SLC22A3: variants seen among roughly 807,000 people sequenced by gnomAD.
SLC22A3 encodes solute carrier family 22 member 3.
Under a neutral mutation model 59.1 loss-of-function variants are expected in SLC22A3, and 51 were observed. The ratio of observed to expected loss-of-function variants is 0.86; its 90% CI spans 0.69 to 1.09. The LOEUF (loss-of-function observed/expected upper bound fraction) is 1.09. SLC22A3 is among the 50% of genes least tolerant of loss of function. SLC22A3 has a pLI of 0.00. For synonymous variants in SLC22A3, 325 were observed against 292.0 expected, an observed-to-expected ratio of 1.11 and a Z score of -1.15; for missense variants, 711 against 726.3, an observed-to-expected ratio of 0.98 and a Z score of 0.24.
chr6:160,422,805 G>T (rs1304919063), intron 5 of SLC22A3, among the ~76,000 whole-genome samples: 2 of 151,930 alleles, frequency 1.3e-5, no homozygotes, highest in Non-Finnish European at 2.9e-5. Context: ...GGAATCTTTT[G>T]TGTAACAGCA....
chr6:160,419,493 CG>C (rs1024676549), intron 5 of SLC22A3, among the ~76,000 whole-genome samples: 1 of 152,100 alleles, frequency 6.6e-6, no homozygotes, highest in African/African-American at 2.4e-5. Context: ...AATCTCTCTT[CG>C]GGGAATTCAT....
At chr6:160,390,063 A>G (rs1015587130) in intron 1 of SLC22A3, among the ~76,000 whole-genome samples, 4 of 152,208 alleles carry the variant, frequency 2.6e-5, no homozygotes, top group Non-Finnish European at 5.9e-5. Flanking sequence ...CTTACTTAGA[A>G]CTAATTAATC....
At chr6:160,433,072 C>T (rs1307480860) in intron 5 of SLC22A3, among the ~76,000 whole-genome samples, 1 of 152,186 alleles carries the variant, frequency 6.6e-6, no homozygotes, top group Non-Finnish European at 1.5e-5. Context: ...ATTTATGTAT[C>T]GTCTATGACT....
At chr6:160,411,636 G>A (rs1787253810) in intron 5 of SLC22A3, among the ~76,000 whole-genome samples, 1 of 152,180 alleles carries the variant, frequency 6.6e-6, no homozygotes, top group Admixed American at 6.5e-5. Context: ...CAGCTACTCA[G>A]GAGGCTGAAG....
chr6:160,402,433 T>A (rs1444660913), intron 2 of SLC22A3, among the ~76,000 whole-genome samples: 1 of 151,838 alleles, frequency 6.6e-6, no homozygotes, highest in Non-Finnish European at 1.5e-5. Flanking sequence ...TAATCCACGA[T>A]TTCACTGGAG....
chr6:160,362,666 G>C (rs1200088326), intron 1 of SLC22A3, among the ~76,000 whole-genome samples: 1 of 152,226 alleles, frequency 6.6e-6, no homozygotes, highest in African/African-American at 2.4e-5. Flanking sequence ...GGTCCCCAGC[G>C]GGTGGGGGCG....
At chr6:160,445,619 A>C (rs1788710711) in intron 9 of SLC22A3, among the ~76,000 whole-genome samples, 1 of 152,322 alleles carries the variant, frequency 6.6e-6, no homozygotes, top group African/African-American at 2.4e-5. Context: ...TCATCAGGAG[A>C]TCACAGTGGC....
chr6:160,351,397 G>A (rs965525930), intron 1 of SLC22A3, among the ~76,000 whole-genome samples: 5 of 152,234 alleles, frequency 3.3e-5, no homozygotes, highest in African/African-American at 7.2e-5. Flanking sequence ...TTACAGGTGT[G>A]AGCCACCGCG....
chr6:160,353,455 G>A (rs963220328), intron 1 of SLC22A3, among the ~76,000 whole-genome samples: 2 of 152,170 alleles, frequency 1.3e-5, no homozygotes, highest in African/African-American at 2.4e-5. Flanking sequence ...AAATTGCAGC[G>A]ATAATGTGAT....
Position 160,443,500 on chromosome 6 carries a change from C to T in SLC22A3, c.1398-130C>T, listed in dbSNP as rs527554107. ...TTTTGCTTAGAGTTCTGAGAGTAGT[C>T]GTTTTCAAAGTTAGAAAATGCAAAG... is the stretch of plus-strand genomic sequence containing the variant. On this transcript the variant is annotated intron_variant, in intron 8 of 10. Transcript: ENST00000275300. 5.2e-5 allele frequency: 36 copies of T among 691,710 alleles called. No homozygotes were observed. The South Asian group carries it at 5.4e-4, about 10-fold the overall frequency. The allele number at this position is 691,710 out of a possible 1,614,324, so 42.8% of individuals were successfully genotyped here. A position where few individuals can be genotyped will look rare whatever the true frequency, so the allele number is the denominator to read the frequency against.
intron 6 of SLC22A3, 39 bp downstream of exon 6, chr6:160,436,916 A>G: frequency 2.5e-6 from 4 of 1,610,698 alleles, no homozygotes; most frequent in Non-Finnish European, 3.4e-6. Flanking sequence ...GCTTGCGTTA[A>G]ATTTACAATA....
At chr6:160,381,275 T>C (rs1229744244) in intron 1 of SLC22A3, among the ~76,000 whole-genome samples, 3 of 152,224 alleles carry the variant, frequency 2.0e-5, no homozygotes, top group African/African-American at 7.2e-5. Flanking sequence ...CTTTTATCTG[T>C]ACATTGATGT....
chr6:160,433,207 G>C (rs185259000), intron 5 of SLC22A3, among the ~76,000 whole-genome samples: 8 of 152,234 alleles, frequency 5.3e-5, no homozygotes, highest in Non-Finnish European at 8.8e-5. Context: ...TAATACATAA[G>C]ATCTTTATTT....
chr6:160,443,029 C>A (rs1788608515), intron 8 of SLC22A3, among the ~76,000 whole-genome samples, 160 bp downstream of exon 8: 1 of 152,228 alleles, frequency 6.6e-6, no homozygotes, highest in Non-Finnish European at 1.5e-5. Flanking sequence ...GTTATCACTG[C>A]TTTCTGCATT....
intron 1 of SLC22A3, among the ~76,000 whole-genome samples, chr6:160,357,648 G>T (rs1309700736): frequency 6.6e-6 from 1 of 152,194 alleles, no homozygotes; most frequent in African/African-American, 2.4e-5. Context: ...GTTGAGAAAT[G>T]AATGCCCTTT....
intron 5 of SLC22A3, 136 bp downstream of exon 5, chr6:160,410,982 A>G (rs376488611): frequency 4.0e-5 from 20 of 494,144 alleles, no homozygotes; most frequent in African/African-American, 2.8e-4. Flanking sequence ...ATGTATGTAT[A>G]TATGTATACA....
intron 1 of SLC22A3, among the ~76,000 whole-genome samples, chr6:160,391,708 C>T (rs772918493): frequency 2.2e-4 from 33 of 152,254 alleles, no homozygotes; most frequent in South Asian, 8.3e-4. Flanking sequence ...TTTTAAGATG[C>T]GTAACTGCAA....
chr6:160,400,425 G>A (rs770140194), intron 2 of SLC22A3, among the ~76,000 whole-genome samples: 1 of 151,970 alleles, frequency 6.6e-6, no homozygotes, highest in Non-Finnish European at 1.5e-5. Context: ...GCCCCCTCTA[G>A]CCTTTCTCCC....
At chr6:160,416,636 C>T (rs1787507288) in intron 5 of SLC22A3, among the ~76,000 whole-genome samples, 1 of 152,110 alleles carries the variant, frequency 6.6e-6, no homozygotes, top group Non-Finnish European at 1.5e-5. Context: ...CTCTGTTTTG[C>T]TCATAATGCA....
Sources: gnomAD v4.1 joint callset for allele counts (sites outside exome capture counted in the v4.1 genomes callset) on GRCh38, gnomAD v4.1.1 for gene constraint, MANE v1.5 for transcripts, NCBI Gene and HGNC (gene_info 2026-07-23, HGNC 2026-07-21) for gene names.